Variants in CD180 observed in about 807,000 individuals in gnomAD.
CD180 encodes the protein CD180 molecule, also known as CD180 antigen.
CD180 carries 11 observed loss-of-function variants against 10.7 expected under a neutral mutation model. The ratio of observed to expected loss-of-function variants is 1.03; its 90% CI spans 0.65 to 1.70. CD180 has a LOEUF of 1.70. Among genes scored for constraint, CD180 ranks in the 40% most tolerant of loss-of-function variants. The pLI is 0.00. For synonymous variants in CD180, 286 were observed against 294.6 expected (o/e 0.97, Z 0.30); for missense variants, 729 against 775.2 (o/e 0.94, Z 0.71).
At chr5:67,192,785 G>C (rs978047448) in intron 1 of CD180, among the ~76,000 whole-genome samples, 2 of 152,128 alleles carry the variant, frequency 1.3e-5, no homozygotes, top group African/African-American at 4.8e-5. Flanking sequence ...AACTATATCA[G>C]ATCCCAAGTG....
rs1395863589 is a variant in CD180 at position 67,183,884 on chromosome 5, A to T, written c.959T>A (p.Leu320Gln). ...LKGLPSGMKG[L>Q]NLLKKLVLSV... ...GAGAACTAATTTCTTGAGCAAGTTCAGACCCTTCATCCCAGAGGGTAACCC... is the reference window on the plus strand; with the variant it reads ...GAGAACTAATTTCTTGAGCAAGTTCTGACCCTTCATCCCAGAGGGTAACCC... Residue 320 changes from leucine (L) to glutamine (Q), a missense_variant, in exon 3 of 3, where the codon CTG becomes CAG. Transcript: ENST00000256447. 2 of 1,614,242 alleles carry T rather than the reference A, an allele frequency of 1.2e-6. No homozygotes were observed. Among genetic ancestry groups the T allele is most frequent in the Non-Finnish European group, 1.7e-6 (2 of 1,180,038 alleles).
chr5:67,186,987 A>G (rs5744515), intron 1 of CD180, among the ~76,000 whole-genome samples: 10,536 of 152,220 alleles, frequency 0.069, 957 homozygotes, highest in African/African-American at 0.21. Context: ...AGTAGACCTC[A>G]TTTAGATCCT....
chr5:67,185,766 A>C (rs1742180149), intron 2 of CD180, 85 bp downstream of exon 2: 3 of 1,052,666 alleles, frequency 2.8e-6, no homozygotes, highest in South Asian at 2.4e-5. Flanking sequence ...TGGGCCCCCC[A>C]AAAAGGTCCT....
chr5:67,183,019 T>C lies in CD180; in HGVS notation c.1824A>G (p.Ala608=), dbSNP rs765121474. 6.2e-7 allele frequency: 1 copy of C among 1,614,260 alleles called. No individual in the cohort carries two copies. The highest frequency in any genetic ancestry group is 1.7e-5 in the Admixed American group (1 of 60,030). Residue 608 remains alanine, a synonymous_variant, in exon 3 of 3, where the codon GCA becomes GCG. Transcript: ENST00000256447. The part of the protein sequence containing the change: ...KLEGSEETTC[A]NPPSLRGVKL... Reference sequence around the variant, plus strand: ...TAACTCCCCTTAGAGATGGCGGGTTTGCACACGTGGTCTCCTCCGAGCCTT... The same window carrying C: ...TAACTCCCCTTAGAGATGGCGGGTTCGCACACGTGGTCTCCTCCGAGCCTT...
At position 67,185,994 on chromosome 5, in the gene CD180, G is replaced by A. The variant is rs1447619903; in HGVS notation, c.114C>T (p.Asn38=). The change falls in exon 2 of 3, where the codon AAC becomes AAT. Residue 38 remains asparagine, a synonymous_variant. Transcript: ENST00000256447. ...CIEKEANKTY[N]CENLGLSEIP... is the part of the protein sequence containing the mutation. ...TTTCACTGAGACCTAAATTTTCACA[G>A]TTATATGTTTTGTTGGCTTCTTTCT... 1 of 1,593,900 alleles carries A rather than the reference G, an allele frequency of 6.3e-7. No homozygotes were observed. The highest frequency in any genetic ancestry group is 1.7e-5 in the Admixed American group (1 of 57,174).
At position 67,184,262 on chromosome 5, in the gene CD180, C is replaced by CTCATG. The variant is rs1318008578; in HGVS notation, c.576_580dup (p.Arg194ThrfsTer2). 6.2e-7 allele frequency: 1 copy of CTCATG among 1,613,892 alleles called. No individual in the cohort carries two copies. The highest frequency in any genetic ancestry group is 8.5e-7 in the Non-Finnish European group (1 of 1,179,894). ...TAGGTTGATGGCCTGCTCCAGAGAC[C>CTCATG]TCATGTCTTCTCTAGAGATGTAGTG... On this transcript the variant is annotated stop_gained and frameshift_variant, in exon 3 of 3. Transcript: ENST00000256447. LOFTEE classifies it low-confidence loss of function (END_TRUNC).
In CD180 at chr5:67,183,353, C is replaced by T. The variant is rs1163483427; in HGVS notation, c.1490G>A (p.Ser497Asn). Residue 497 changes from serine to asparagine, a missense_variant, in exon 3 of 3, where the codon AGC becomes AAC. By Grantham distance (46) the Ser-to-Asn change is conservative. Coordinates refer to ENST00000256447, the MANE Select transcript of CD180 (RefSeq NM_005582.3). ...AGAGGACAAAATCAGAACCTCCAAGCTGCCCACGGTCTGAAGTAGGTTGGT... is the reference window on the plus strand; with the variant it reads ...AGAGGACAAAATCAGAACCTCCAAGTTGCCCACGGTCTGAAGTAGGTTGGT... ...TKTNLLQTVGSLEVLILSSCG... is the reference protein window; with the variant it reads ...TKTNLLQTVGNLEVLILSSCG... The T allele has an allele frequency of 1.2e-6, 2 of 1,614,086 alleles. No homozygotes were observed. Among genetic ancestry groups the T allele is most frequent in the African/African-American group, 2.7e-5 (2 of 74,924 alleles).
At chr5:67,185,765 C>T (rs1742180082) in intron 2 of CD180, 86 bp downstream of exon 2, 1 of 1,043,156 alleles carries the variant, frequency 9.6e-7, no homozygotes, top group Non-Finnish European at 1.3e-6. Flanking sequence ...CTGGGCCCCC[C>T]AAAAAGGTCC....
chr5:67,183,608 T>A lies in CD180; in HGVS notation c.1235A>T (p.Gln412Leu), dbSNP rs763253387. ...NLSHNEPLGL[Q>L]SQAFKECPQL... is the part of the protein sequence containing the mutation. ...AGGACATTCTTTGAATGCCTGACTC[T>A]GGAGACCAAGAGGCTCATTGTGGCT... Residue 412 changes from glutamine to leucine, a missense_variant, in exon 3 of 3, where the codon CAG (glutamine) becomes CTG (leucine). By Grantham distance (113) the Gln-to-Leu change is moderately radical. Coordinates refer to ENST00000256447, the MANE Select transcript of CD180 (RefSeq NM_005582.3). 73 of 1,614,116 alleles carry A rather than the reference T, an allele frequency of 4.5e-5. No homozygotes were observed. The South Asian group carries it at 7.8e-4, about 17-fold the overall frequency.
rs1191839894 is a variant in CD180 at position 67,184,514 on chromosome 5, C to G, written c.329G>C (p.Gly110Ala). ...HHQLSTLVLT[G>A]NPLIFMAETS... The stretch of plus-strand genomic sequence containing the variant: ...TTCTGCCATGAATATCAGGGGATTT[C>G]CAGTTAACACAAGTGTGCTTAATTG... Residue 110 changes from glycine to alanine, a missense_variant, in exon 3 of 3, where the codon GGA (glycine) becomes GCA (alanine). Coordinates refer to ENST00000256447, the MANE Select transcript of CD180 (RefSeq NM_005582.3). 1.2e-6 allele frequency: 2 copies of G among 1,613,762 alleles called. No homozygotes were observed. Among genetic ancestry groups the G allele is most frequent in the Non-Finnish European group, 1.7e-6 (2 of 1,179,692 alleles).
At chr5:67,191,878 T>A (rs1203652218) in intron 1 of CD180, among the ~76,000 whole-genome samples, 1 of 152,192 alleles carries the variant, frequency 6.6e-6, no homozygotes, top group African/African-American at 2.4e-5. Context: ...AAAAGTTTTA[T>A]TTAAAAATTA....
At chr5:67,186,093 T>C (rs1742188906) in intron 1 of CD180, 76 bp from the exon 2 acceptor site, 1 of 966,820 alleles carries the variant, frequency 1.0e-6, no homozygotes, top group Non-Finnish European at 1.5e-6. Context: ...ATATATGTTT[T>C]ACCTTCCGAG....
chr5:67,196,535 A>C lies in CD180; in HGVS notation c.90+17T>G, dbSNP rs1162763166. 3 of 1,613,758 alleles carry C rather than the reference A, an allele frequency of 1.9e-6. No homozygotes were observed. Among genetic ancestry groups the C allele is most frequent in the Non-Finnish European group, 1.7e-6 (2 of 1,179,850 alleles). ...CAGACAGTTTAATCTGCATAAAGAC[A>C]AACAGTTTGGACTCACCTCAATGCA... On this transcript the variant is annotated intron_variant, in intron 1 of 2. Coordinates refer to ENST00000256447, the MANE Select transcript of CD180 (RefSeq NM_005582.3).
chr5:67,186,112 G>A lies in CD180; in HGVS notation c.91-95C>T, dbSNP rs559527733. ...ATGTTTTACCTTCCGAGCGGCAATC[G>A]TACTTCTAGTAATCTTTACCAAATA... On this transcript the variant is annotated intron_variant, in intron 1 of 2. Transcript: ENST00000256447. 440 of 730,262 alleles carry A rather than the reference G, an allele frequency of 6.0e-4. No individual in the cohort carries two copies. In the Middle Eastern group the frequency reaches 6.1e-3, roughly 10 times the overall value. 45.2% of individuals were successfully genotyped at this position (730,262 alleles called of 1,614,324 possible).
intron 1 of CD180, among the ~76,000 whole-genome samples, chr5:67,189,568 G>T (rs1356918940): frequency 6.6e-6 from 1 of 152,170 alleles, no homozygotes; most frequent in Non-Finnish European, 1.5e-5. Flanking sequence ...GCTGATAAGA[G>T]AATTTAGAAA....
intron 1 of CD180, among the ~76,000 whole-genome samples, chr5:67,186,873 T>TGTGTGTGTGTGTGTGTGTGTGA (rs772303459): frequency 2.1e-5 from 3 of 139,806 alleles, no homozygotes; most frequent in African/African-American, 8.4e-5. Flanking sequence ...TGTGTGTGTG[T>TGTGTGTGTGTGTGTGTGTGTGA]GAAAGAGAGA....
At chr5:67,196,234 C>G (rs780992436) in intron 1 of CD180, among the ~76,000 whole-genome samples, 4 of 152,100 alleles carry the variant, frequency 2.6e-5, no homozygotes, top group Admixed American at 6.5e-5. Flanking sequence ...AACAGCTCCC[C>G]TAGGTTGAGG....
chr5:67,185,337 G>T lies in CD180; in HGVS notation c.257+514C>A, dbSNP rs1221332903. Among the ~76,000 whole-genome samples, 2 of 145,902 alleles carry T rather than the reference G, an allele frequency of 1.4e-5. 1 individual carries two copies. Among genetic ancestry groups the T allele is most frequent in the East Asian group, 4.0e-4 (2 of 5,020 alleles). On this transcript the variant is annotated intron_variant, in intron 2 of 2. Coordinates refer to ENST00000256447, the MANE Select transcript of CD180 (RefSeq NM_005582.3). The stretch of plus-strand genomic sequence containing the variant: ...CACACACACACACACACGCAGTATA[G>T]CCCTTTCATTTTCTTCCCTTATTTT...
In CD180 at chr5:67,183,601, C is replaced by T. The variant is rs1038904246; in HGVS notation, c.1242G>A (p.Gln414=). Residue 414 remains glutamine, a synonymous_variant, in exon 3 of 3, where the codon CAG becomes CAA. Coordinates refer to ENST00000256447, the MANE Select transcript of CD180 (RefSeq NM_005582.3). Reference sequence around the variant, plus strand: ...CTAGCTGAGGACATTCTTTGAATGCCTGACTCTGGAGACCAAGAGGCTCAT... The same window carrying T: ...CTAGCTGAGGACATTCTTTGAATGCTTGACTCTGGAGACCAAGAGGCTCAT... ...SHNEPLGLQS[Q]AFKECPQLEL... is the part of the protein sequence containing the mutation. 2 of 1,614,056 alleles carry T rather than the reference C, an allele frequency of 1.2e-6. No homozygotes were observed. Among genetic ancestry groups the T allele is most frequent in the African/African-American group, 2.7e-5 (2 of 74,908 alleles).
Sources: allele counts gnomAD v4.1 joint callset (sites outside exome capture counted in the v4.1 genomes callset), GRCh38; gene constraint gnomAD v4.1.1; transcripts MANE v1.5; gene names NCBI Gene and HGNC (gene_info 2026-07-23, HGNC 2026-07-21).